Variants in PIK3C2G observed in about 807,000 individuals in gnomAD.
PIK3C2G encodes the protein phosphatidylinositol-4-phosphate 3-kinase catalytic subunit type 2 gamma.
Under a neutral mutation model 181.1 loss-of-function variants are expected in PIK3C2G, and 168 were observed. That is an observed-to-expected ratio of 0.93 (90% CI 0.82 to 1.05). The LOEUF is 1.05. Ranked by LOEUF, PIK3C2G falls within the 50% of genes least tolerant of loss-of-function variation. PIK3C2G has a pLI of 0.00. For missense variants in PIK3C2G, 1,869 were observed against 1,732.8 expected, an observed-to-expected ratio of 1.08 and a Z score of -1.40; for synonymous variants, 573 against 592.2, an observed-to-expected ratio of 0.97 and a Z score of 0.47.
intron 22 of PIK3C2G, among the ~76,000 whole-genome samples, chr12:18,502,884 G>T (rs1461245828): frequency 6.6e-6 from 1 of 152,138 alleles, no homozygotes; most frequent in Non-Finnish European, 1.5e-5. Flanking sequence ...TTGTTATGGA[G>T]AGTGTATTTG....
chr12:18,607,415 T>C (rs1355020493), intron 30 of PIK3C2G, among the ~76,000 whole-genome samples: 5 of 152,106 alleles, frequency 3.3e-5, no homozygotes, highest in Non-Finnish European at 5.9e-5. Flanking sequence ...AACTATCTGA[T>C]CTTAGACAAA....
intron 23 of PIK3C2G, among the ~76,000 whole-genome samples, chr12:18,504,837 T>C (rs1281667917): frequency 1.3e-5 from 2 of 152,216 alleles, no homozygotes; most frequent in Non-Finnish European, 2.9e-5. Flanking sequence ...TGTTACAGAT[T>C]TCTCAGTATA....
At chr12:18,703,438 T>C in the PIK3C2G span, among the ~76,000 whole-genome samples, 1 of 152,212 alleles carries the variant, frequency 6.6e-6, no homozygotes, top group Non-Finnish European at 1.5e-5. Context: ...CCTGGAAACT[T>C]AGTCATGTAA....
At chr12:18,540,114 C>T (rs1386498771) in intron 25 of PIK3C2G, among the ~76,000 whole-genome samples, 1 of 151,726 alleles carries the variant, frequency 6.6e-6, no homozygotes, top group Non-Finnish European at 1.5e-5. Context: ...CAAGCTCTAG[C>T]TCATGAATTC....
intron 1 of PIK3C2G, among the ~76,000 whole-genome samples, chr12:18,264,019 CACTT>C (rs1214995211): frequency 2.0e-5 from 3 of 152,112 alleles, no homozygotes; most frequent in African/African-American, 7.2e-5. Context: ...CTCATCTTCT[CACTT>C]ACGGAACTTC....
At chr12:18,365,431 T>C (rs535163236) in intron 12 of PIK3C2G, among the ~76,000 whole-genome samples, 1 of 152,198 alleles carries the variant, frequency 6.6e-6, no homozygotes, top group South Asian at 2.1e-4. Flanking sequence ...CAGGCTTTCA[T>C]CACCTCTGCT....
intron 32 of PIK3C2G, among the ~76,000 whole-genome samples, chr12:18,643,563 G>T (rs571182922): frequency 6.6e-6 from 1 of 151,706 alleles, no homozygotes; most frequent in Admixed American, 6.6e-5. Context: ...TTCATTCTAT[G>T]CCTGTATCAA....
chr12:18,383,338 G>A (rs1464251319), intron 14 of PIK3C2G, among the ~76,000 whole-genome samples: 3 of 152,126 alleles, frequency 2.0e-5, no homozygotes, highest in Non-Finnish European at 2.9e-5. Flanking sequence ...ACAGACTTTC[G>A]CAACTCACTC....
At chr12:18,693,944 C>T in the PIK3C2G span, 2 of 1,519,450 alleles carry the variant, frequency 1.3e-6, no homozygotes. Context: ...TAAAGATGAC[C>T]TCTCTGGTGC....
chr12:18,432,267 T>G (rs541304343), intron 18 of PIK3C2G, among the ~76,000 whole-genome samples: 1 of 152,178 alleles, frequency 6.6e-6, no homozygotes, highest in Non-Finnish European at 1.5e-5. Flanking sequence ...TATCACTGGT[T>G]TAAATCATTT....
At position 18,354,472 on chromosome 12, in the gene PIK3C2G, T is replaced by C. The variant is rs559345427; in HGVS notation, c.1625+7636T>C. Among the ~76,000 whole-genome samples the C allele has an allele frequency of 7.9e-5, 12 of 152,304 alleles. No homozygotes were observed. In the East Asian group the frequency reaches 1.9e-3, roughly 25 times the overall value. On this transcript the variant is annotated intron_variant, in intron 11 of 32. Coordinates refer to ENST00000538779, the MANE Select transcript of PIK3C2G (RefSeq NM_001288772.2). ...CTGCCCCTTGCAGCCTCTCCTGAGA[T>C]GGCCAATAGGAGGGATGGATCAATC...
At chr12:18,353,971 C>T (rs941195125) in intron 11 of PIK3C2G, among the ~76,000 whole-genome samples, 1 of 152,240 alleles carries the variant, frequency 6.6e-6, no homozygotes, top group Non-Finnish European at 1.5e-5. Context: ...AGATCCATTC[C>T]AGGGTCATCC....
the PIK3C2G span, among the ~76,000 whole-genome samples, chr12:18,668,916 C>T: frequency 1.5e-4 from 23 of 151,748 alleles, no homozygotes; most frequent in Admixed American, 3.3e-4. Flanking sequence ...TCAGCAAAGA[C>T]GAAATAAATT....
chr12:18,693,771 A>T, the PIK3C2G span: 1 of 1,515,438 alleles, frequency 6.6e-7, no homozygotes, highest in Non-Finnish European at 9.2e-7. Context: ...ATGGCCACAA[A>T]CCAAATAGAA....
chr12:18,259,618 T>C (rs372299223), upstream of PIK3C2G, among the ~76,000 whole-genome samples: 4 of 152,254 alleles, frequency 2.6e-5, no homozygotes, highest in African/African-American at 7.2e-5. Flanking sequence ...GATTTCTTAA[T>C]GTAACAAGCA....
chr12:18,463,917 TTA>T (rs1378848327), intron 18 of PIK3C2G, among the ~76,000 whole-genome samples: 7 of 152,090 alleles, frequency 4.6e-5, no homozygotes, highest in African/African-American at 1.7e-4. Context: ...GCTCTGCTCT[TTA>T]CTTGGTCTCA....
chr12:18,613,458 C>A (rs1002957314), intron 31 of PIK3C2G, among the ~76,000 whole-genome samples: 1 of 151,976 alleles, frequency 6.6e-6, no homozygotes, highest in African/African-American at 2.4e-5. Flanking sequence ...GAGTCAAACA[C>A]AAGAACCCCC....
the PIK3C2G span, among the ~76,000 whole-genome samples, chr12:18,711,529 T>TATAATAATA: frequency 0.025 from 3,546 of 142,424 alleles, 48 homozygotes; most frequent in South Asian, 0.031. Flanking sequence ...AAACTTAAAG[T>TATAATAATA]ATAATAATAA....
At chr12:18,481,901 A>G (rs1939597008) in intron 18 of PIK3C2G, among the ~76,000 whole-genome samples, 1 of 152,086 alleles carries the variant, frequency 6.6e-6, no homozygotes, top group Non-Finnish European at 1.5e-5. Flanking sequence ...GAAGCTGCAC[A>G]TTTCTTTCTG....
Sources: allele counts gnomAD v4.1 joint callset (sites outside exome capture counted in the v4.1 genomes callset), GRCh38; gene constraint gnomAD v4.1.1; transcripts MANE v1.5; gene names NCBI Gene and HGNC (gene_info 2026-07-23, HGNC 2026-07-21).